The following TULP4 variants were observed in gnomAD, a reference collection of about 807,000 sequenced individuals.
The protein encoded by TULP4 is tubby-related protein 4.
Under a neutral mutation model 129.0 loss-of-function variants are expected in TULP4, and 16 were observed. That is an observed-to-expected ratio of 0.12 (90% CI 0.08 to 0.19). The LOEUF is 0.19. Among genes scored for constraint, TULP4 ranks in the 10% least tolerant of loss-of-function variants. TULP4 has a pLI of 1.00. For synonymous variants in TULP4, 998 were observed against 854.0 expected (o/e 1.17, Z -2.94); for missense variants, 1,842 against 2,059.1 (o/e 0.89, Z 2.04).
intron 8 of TULP4, among the ~76,000 whole-genome samples, chr6:158,484,236 C>T (rs1780014587): frequency 6.6e-6 from 1 of 151,664 alleles, no homozygotes. Context: ...CTTCCCTCCA[C>T]CACCCCCACC....
At chr6:158,369,808 A>G (rs1332433791) in intron 1 of TULP4, among the ~76,000 whole-genome samples, 1 of 152,178 alleles carries the variant, frequency 6.6e-6, no homozygotes, top group Non-Finnish European at 1.5e-5. Context: ...GGTGGCAAGC[A>G]GACAGAGGGG....
intron 1 of TULP4, among the ~76,000 whole-genome samples, chr6:158,248,895 G>A (rs1039012168): frequency 6.6e-6 from 1 of 152,104 alleles, no homozygotes; most frequent in Non-Finnish European, 1.5e-5. Flanking sequence ...TTAGGTGGAA[G>A]GATTGCTTGA....
At chr6:158,241,806 G>T (rs1777922302) in intron 1 of TULP4, 2 of 530,890 alleles carry the variant, frequency 3.8e-6, no homozygotes, top group South Asian at 3.6e-5. Flanking sequence ...TATTGGCCAG[G>T]CTGGTCTCGA....
At chr6:158,303,068 C>T (rs1447980062) in intron 1 of TULP4, among the ~76,000 whole-genome samples, 1 of 148,028 alleles carries the variant, frequency 6.8e-6, no homozygotes, top group Non-Finnish European at 1.5e-5. Flanking sequence ...AAACTTTTTT[C>T]CTTGAATGTG....
chr6:158,500,291 G>A (rs1000505905), intron 12 of TULP4, among the ~76,000 whole-genome samples: 9 of 152,186 alleles, frequency 5.9e-5, no homozygotes, highest in African/African-American at 2.2e-4. Flanking sequence ...ACAGACGAGA[G>A]AGCTTCTCCA....
intron 4 of TULP4, 85 bp downstream of exon 4, chr6:158,449,261 A>C (rs968858943): frequency 3.6e-6 from 5 of 1,396,810 alleles, no homozygotes; most frequent in Admixed American, 2.2e-5. Context: ...TGGAGGAGGG[A>C]GGGTGAAGGG....
intron 1 of TULP4, among the ~76,000 whole-genome samples, chr6:158,322,248 A>T (rs1779656878): frequency 6.6e-6 from 1 of 152,238 alleles, no homozygotes; most frequent in African/African-American, 2.4e-5. Flanking sequence ...AGTGACTTTT[A>T]GTAGATTTGT....
chr6:158,248,446 A>T (rs947258167), intron 1 of TULP4, among the ~76,000 whole-genome samples: 4 of 151,692 alleles, frequency 2.6e-5, no homozygotes, highest in Non-Finnish European at 5.9e-5. Context: ...ATTTTTTTGT[A>T]TTTTAGTAGA....
chr6:158,482,858 A>G (rs1274238163), intron 8 of TULP4, among the ~76,000 whole-genome samples: 1 of 152,170 alleles, frequency 6.6e-6, no homozygotes, highest in Non-Finnish European at 1.5e-5. Flanking sequence ...GCTGTGGAGT[A>G]CCCAAGGACT....
At chr6:158,237,316 C>G in intron 1 of TULP4, 12 of 1,597,214 alleles carry the variant, frequency 7.5e-6, no homozygotes, top group Non-Finnish European at 1.0e-5. Flanking sequence ...TAAAAACAGC[C>G]TTCAACAAGA....
chr6:158,415,566 T>C (rs950973684), intron 2 of TULP4, among the ~76,000 whole-genome samples: 1 of 150,994 alleles, frequency 6.6e-6, no homozygotes, highest in Non-Finnish European at 1.5e-5. Context: ...TTCACCACGT[T>C]AGCCAGGATG....
chr6:158,384,787 T>G (rs1024778091), intron 1 of TULP4, among the ~76,000 whole-genome samples: 1 of 152,178 alleles, frequency 6.6e-6, no homozygotes, highest in African/African-American at 2.4e-5. Context: ...TGGTAACAGC[T>G]GAAAGACTCT....
chr6:158,401,296 A>G (rs2114979275), intron 1 of TULP4, among the ~76,000 whole-genome samples: 1 of 151,988 alleles, frequency 6.6e-6, no homozygotes, highest in East Asian at 1.9e-4. Context: ...CTGGTCTCGA[A>G]CTCCTGGGCT....
At chr6:158,235,181 G>GAAA (rs371171313) in intron 1 of TULP4, among the ~76,000 whole-genome samples, 1 of 136,246 alleles carries the variant, frequency 7.3e-6, no homozygotes. Flanking sequence ...CTGTCTCAAA[G>GAAA]AAAAAAAAAA....
rs1021691953 is a variant in TULP4, at chr6:158,444,048, T to C, written c.544-4948T>C. Among the ~76,000 whole-genome samples, 6 of 150,986 alleles carry C rather than the reference T, an allele frequency of 4.0e-5. No individual in the cohort carries two copies. In the East Asian group the frequency reaches 5.9e-4, roughly 15 times the overall value. On this transcript the variant is annotated intron_variant, in intron 3 of 13. Transcript: ENST00000367097. ...TCCTGGCTAACACGGTGAAACCCCG[T>C]CTCTACTAAAAAATACAAAAAATTA...
At chr6:158,356,810 AAGG>A (rs1329995210) in intron 1 of TULP4, among the ~76,000 whole-genome samples, 2 of 151,356 alleles carry the variant, frequency 1.3e-5, no homozygotes, top group Admixed American at 6.6e-5. Flanking sequence ...AGGCTGGTGT[AAGG>A]AGGAGCTGAA....
At chr6:158,275,278 G>T (rs2128463810) in intron 1 of TULP4, among the ~76,000 whole-genome samples, 1 of 152,292 alleles carries the variant, frequency 6.6e-6, no homozygotes. Context: ...TTGCCACGGT[G>T]TTTGAACTTC....
chr6:158,338,637 A>G (rs902149683), intron 1 of TULP4, among the ~76,000 whole-genome samples: 1 of 152,194 alleles, frequency 6.6e-6, no homozygotes, highest in East Asian at 1.9e-4. Context: ...ACATTGAATC[A>G]GCCATGTTAT....
In TULP4 at chr6:158,506,907, T is replaced by G; in HGVS notation, c.*213T>G. On this transcript the variant is annotated 3_prime_UTR_variant, in exon 14 of 14. Coordinates refer to ENST00000367097, the MANE Select transcript of TULP4 (RefSeq NM_020245.5). ...CCTTTTATTGTCTGTTCTTCTTTTC[T>G]TCTTTCATTTCAGTGGCATTTGGAA... The G allele has an allele frequency of 1.8e-6, 1 of 549,792 alleles. No individual in the cohort carries two copies. Among genetic ancestry groups the G allele is most frequent in the East Asian group, 3.1e-5 (1 of 32,216 alleles). The allele number at this position is 549,792 out of a possible 1,614,324, so 34.1% of individuals were successfully genotyped here. A position where few individuals can be genotyped will look rare whatever the true frequency, so the allele number is the denominator to read the frequency against.
Sources: allele counts gnomAD v4.1 joint callset (sites outside exome capture counted in the v4.1 genomes callset), GRCh38; gene constraint gnomAD v4.1.1; transcripts MANE v1.5; gene names NCBI Gene and HGNC (gene_info 2026-07-23, HGNC 2026-07-21).